C13orf46: variants seen among roughly 807,000 people sequenced by gnomAD.
C13orf46 encodes the protein chromosome 13 open reading frame 46.
rs986537219 is a variant in C13orf46, at chr13:113,956,233, G to C, written c.*540C>G. 23 of 155,798 alleles carry C rather than the reference G, an allele frequency of 1.5e-4. 1 individual carries two copies. The highest frequency in any genetic ancestry group is 5.1e-4 in the African/African-American group (21 of 41,334). 9.7% of individuals were successfully genotyped at this position (155,798 alleles called of 1,614,324 possible). On this transcript the variant is annotated 3_prime_UTR_variant, in exon 7 of 7. Transcript: ENST00000636427. The stretch of plus-strand genomic sequence containing the variant: ...CGGTGGAGACGAGGAGCATCTCGAG[G>C]AGACGAGGAGCATCTCGACGAGAGG...
intron 2 of C13orf46, among the ~76,000 whole-genome samples, chr13:113,969,502 C>T (rs1447137631): frequency 2.6e-5 from 4 of 152,246 alleles, no homozygotes; most frequent in African/African-American, 2.4e-5. Flanking sequence ...CACCTTTGGC[C>T]GCTTCGGCGG....
intron 1 of C13orf46, among the ~76,000 whole-genome samples, chr13:113,972,259 C>A (rs1266952797): frequency 6.6e-6 from 1 of 152,206 alleles, no homozygotes; most frequent in South Asian, 2.1e-4. Flanking sequence ...GAACTTTGCA[C>A]GTCTTGAGGG....
At chr13:113,971,790 A>G (rs2052708658) in intron 1 of C13orf46, among the ~76,000 whole-genome samples, 1 of 152,190 alleles carries the variant, frequency 6.6e-6, no homozygotes, top group African/African-American at 2.4e-5. Flanking sequence ...CCCTGCAGAA[A>G]CCAAGGCCAC....
the C13orf46 span, among the ~76,000 whole-genome samples, chr13:113,934,651 G>A: frequency 6.6e-6 from 1 of 152,272 alleles, no homozygotes; most frequent in African/African-American, 2.4e-5. Flanking sequence ...CTCTGGGCAA[G>A]TGCTCGAGGC....
intron 1 of C13orf46, among the ~76,000 whole-genome samples, chr13:113,972,228 TGGCG>T (rs945069702): frequency 6.6e-6 from 1 of 152,252 alleles, no homozygotes; most frequent in African/African-American, 2.4e-5. Context: ...TAAGCAGCCT[TGGCG>T]TAACTTATTC....
intron 6 of C13orf46, among the ~76,000 whole-genome samples, chr13:113,962,992 TTCTC>T (rs2052599403): frequency 6.6e-6 from 1 of 152,166 alleles, no homozygotes; most frequent in African/African-American, 2.4e-5. Flanking sequence ...CTCGAGGACT[TTCTC>T]TCTCCCTGGA....
In C13orf46 at chr13:113,953,962, T is replaced by C. The variant is rs2052500718; in HGVS notation, c.*2811A>G. ...CTCTGGGGCCGATGGGCACTTATCT[T>C]CTGTGGTGTCTTTCAGTCAAGGGTG... On this transcript the variant is annotated 3_prime_UTR_variant, in exon 7 of 7. Coordinates refer to ENST00000636427, the MANE Select transcript of C13orf46 (RefSeq NM_001365455.2). 1 of 152,394 alleles carries C rather than the reference T, an allele frequency of 6.6e-6. No homozygotes were observed. Among genetic ancestry groups the C allele is most frequent in the Admixed American group, 6.5e-5 (1 of 15,294 alleles). 9.4% of individuals were successfully genotyped at this position (152,394 alleles called of 1,614,324 possible).
At chr13:113,931,653 C>T in the C13orf46 span, among the ~76,000 whole-genome samples, 1 of 152,212 alleles carries the variant, frequency 6.6e-6, no homozygotes, top group Non-Finnish European at 1.5e-5. Flanking sequence ...CACTCCTTGT[C>T]CTACAGCTTA....
intron 6 of C13orf46, among the ~76,000 whole-genome samples, chr13:113,960,517 T>C (rs2052578961): frequency 6.6e-6 from 1 of 152,356 alleles, no homozygotes; most frequent in Admixed American, 6.5e-5. Flanking sequence ...TAAGAAGGCC[T>C]GGGATAACAA....
the C13orf46 span, among the ~76,000 whole-genome samples, chr13:113,931,081 C>T: frequency 1.3e-5 from 2 of 152,212 alleles, no homozygotes; most frequent in African/African-American, 4.8e-5. Flanking sequence ...TTTCTGCTGA[C>T]ATGCCACGTG....
the C13orf46 span, among the ~76,000 whole-genome samples, chr13:113,932,763 CTA>C: frequency 4.6e-5 from 7 of 152,014 alleles, no homozygotes; most frequent in African/African-American, 1.7e-4. Context: ...TTTTTGTGTT[CTA>C]TTTAAAAAAC....
rs1156439673 is a variant in C13orf46 at position 113,955,633 on chromosome 13, GGAGACGAGGAGTAGTGTCTGGCA to G, written c.*1117_*1139del. On this transcript the variant is annotated 3_prime_UTR_variant, in exon 7 of 7. Coordinates refer to ENST00000636427, the MANE Select transcript of C13orf46 (RefSeq NM_001365455.2). The stretch of plus-strand genomic sequence containing the variant: ...GCAGAGACGAGGAGTAGTGTCTGGC[GGAGACGAGGAGTAGTGTCTGGCA>G]GAGACAAGGAGTAGTGTCTGGCAGA... 1.1e-3 allele frequency: 89 copies of G among 82,808 alleles called. No individual in the cohort carries two copies. In the Middle Eastern group the frequency reaches 0.019, roughly 17 times the overall value. The allele number at this position is 82,808 out of a possible 1,614,324, so 5.1% of individuals were successfully genotyped here. A position where few individuals can be genotyped will look rare whatever the true frequency, so the allele number is the denominator to read the frequency against.
At chr13:113,927,812 G>A in the C13orf46 span, 1 of 392,460 alleles carries the variant, frequency 2.5e-6, no homozygotes, top group Non-Finnish European at 4.5e-6. Flanking sequence ...TCGCTCTGTG[G>A]ACCTTGGATG....
chr13:113,945,320 C>T, the C13orf46 span, among the ~76,000 whole-genome samples: 6 of 151,902 alleles, frequency 3.9e-5, no homozygotes, highest in East Asian at 1.9e-4. Flanking sequence ...CCAAGACAGG[C>T]GGATCACGAG....
chr13:113,949,867 G>A (rs1035677962), downstream of C13orf46, among the ~76,000 whole-genome samples: 7,559 of 117,542 alleles, frequency 0.064, 273 homozygotes, highest in South Asian at 0.14. Flanking sequence ...TCTTGCTTGA[G>A]GGACCTCAGT....
At position 113,956,279 on chromosome 13, in the gene C13orf46, AG is replaced by A. The variant is rs2052532804; in HGVS notation, c.*493del. The A allele has an allele frequency of 6.4e-6, 1 of 156,440 alleles. No homozygotes were observed. The allele number at this position is 156,440 out of a possible 1,614,324, so 9.7% of individuals were successfully genotyped here. On this transcript the variant is annotated 3_prime_UTR_variant, in exon 7 of 7. Coordinates refer to ENST00000636427, the MANE Select transcript of C13orf46 (RefSeq NM_001365455.2). Reference sequence around the variant, plus strand: ...AGAGGAGGAACATCCGGTGGAGAGGAGGAGCATCTGGTGGAGACGAGGAGCA... The same window carrying A: ...AGAGGAGGAACATCCGGTGGAGAGGAGAGCATCTGGTGGAGACGAGGAGCA...
the C13orf46 span, among the ~76,000 whole-genome samples, chr13:113,938,170 G>A: frequency 1.2e-4 from 19 of 152,254 alleles, no homozygotes; most frequent in East Asian, 3.5e-3. Context: ...TCAACTGAAC[G>A]CCTCTCTGGA....
chr13:113,965,563 ATGG>A (rs2052627105), intron 5 of C13orf46, among the ~76,000 whole-genome samples: 1 of 152,062 alleles, frequency 6.6e-6, no homozygotes, highest in Non-Finnish European at 1.5e-5. Context: ...GGTGATGACG[ATGG>A]TGATGATGAT....
the C13orf46 span, among the ~76,000 whole-genome samples, chr13:113,945,972 T>C: frequency 6.6e-6 from 1 of 152,144 alleles, no homozygotes; most frequent in African/African-American, 2.4e-5. Flanking sequence ...CCGCCGCCCG[T>C]TCACTGTGAT....
Sources: allele counts gnomAD v4.1 joint callset (sites outside exome capture counted in the v4.1 genomes callset), GRCh38; gene constraint gnomAD v4.1.1; transcripts MANE v1.5; gene names NCBI Gene and HGNC (gene_info 2026-07-23, HGNC 2026-07-21).